The following PLXNC1 variants were observed in gnomAD, a reference collection of about 807,000 sequenced individuals.
PLXNC1 encodes plexin C1, also known as plexin-C1.
PLXNC1 carries 75 observed loss-of-function variants against 178.2 expected under a neutral mutation model. The observed-to-expected ratio is 0.42, with a 90% CI of 0.35 to 0.51. PLXNC1 has a LOEUF of 0.51. Ranked by LOEUF, PLXNC1 falls within the 20% of genes least tolerant of loss-of-function variation. The pLI, the probability that PLXNC1 is intolerant of heterozygous loss-of-function variation, is 0.02. For synonymous variants in PLXNC1, 790 were observed against 779.9 expected (o/e 1.01, Z -0.22); for missense variants, 1,503 against 1,984.4 (o/e 0.76, Z 4.61).
At chr12:94,206,559 T>C (rs12815937) in intron 4 of PLXNC1, among the ~76,000 whole-genome samples, 39 of 151,960 alleles carry the variant, frequency 2.6e-4, no homozygotes, top group Non-Finnish European at 4.7e-4. Context: ...AATTTGCAAA[T>C]AGGCTTGTGT....
chr12:94,262,644 G>A (rs1965027693), intron 20 of PLXNC1: 1 of 985,408 alleles, frequency 1.0e-6, no homozygotes, highest in Non-Finnish European at 1.2e-6. Context: ...ATTCCCGCTG[G>A]TGCAGGGGTC....
chr12:94,177,201 GTATATATA>G (rs201569205), intron 2 of PLXNC1, among the ~76,000 whole-genome samples: 3 of 61,670 alleles, frequency 4.9e-5, no homozygotes, highest in African/African-American at 1.3e-4. Flanking sequence ...ATATATATAC[GTATATATA>G]TATGTGTGTG....
chr12:94,212,933 A>G (rs1963532673), intron 5 of PLXNC1, among the ~76,000 whole-genome samples: 1 of 151,996 alleles, frequency 6.6e-6, no homozygotes, highest in Non-Finnish European at 1.5e-5. Context: ...GTTGGCCAAG[A>G]TGGTCTCAAT....
chr12:94,259,415 T>C, intron 18 of PLXNC1, 40 bp downstream of exon 18: 1 of 1,486,394 alleles, frequency 6.7e-7, no homozygotes, highest in South Asian at 1.2e-5. Context: ...AGTGACTGCC[T>C]GATGTTCATA....
At chr12:94,281,573 T>C (rs907673584) in intron 22 of PLXNC1, among the ~76,000 whole-genome samples, 2 of 146,566 alleles carry the variant, frequency 1.4e-5, no homozygotes, top group Non-Finnish European at 3.0e-5. Flanking sequence ...GTTTTTTATA[T>C]GCAACTTAAA....
In PLXNC1 at chr12:94,169,198, A is replaced by G. The variant is rs748629453; in HGVS notation, c.1108A>G (p.Thr370Ala). 7 of 1,613,746 alleles carry G rather than the reference A, an allele frequency of 4.3e-6. No homozygotes were observed. The highest frequency in any genetic ancestry group is 5.9e-6 in the Non-Finnish European group (7 of 1,179,786). Reference sequence around the variant, plus strand: ...AAGAGTCCAACCAATCGCATCATCTACCTTGATCCATTCCGACCTGACATC... The same window carrying G: ...AAGAGTCCAACCAATCGCATCATCTGCCTTGATCCATTCCGACCTGACATC... ...PERVQPIASS[T>A]LIHSDLTSVY... Residue 370 changes from threonine (T) to alanine (A), a missense_variant, in exon 2 of 31, where the codon ACC becomes GCC. Thr to Ala is a moderately conservative substitution (Grantham distance 58). This residue lies in a region of PLXNC1 where 615 missense variants were observed against 698.6 expected (regional missense o/e 0.88). Coordinates refer to ENST00000258526, the MANE Select transcript of PLXNC1 (RefSeq NM_005761.3).
intron 23 of PLXNC1, 89 bp downstream of exon 23, chr12:94,282,490 C>A: frequency 1.2e-6 from 1 of 852,108 alleles, no homozygotes; most frequent in Non-Finnish European, 1.9e-6. Context: ...GACTCCCACC[C>A]ATTTCCTGGA....
At chr12:94,202,416 G>A (rs183241164) in intron 4 of PLXNC1, among the ~76,000 whole-genome samples, 2 of 152,340 alleles carry the variant, frequency 1.3e-5, no homozygotes, top group East Asian at 3.9e-4. Flanking sequence ...AATAAGGTGG[G>A]CCTTTCCCTT....
rs1205709613 is a variant in PLXNC1 at position 94,247,903 on chromosome 12, G to A, written c.2389G>A (p.Val797Ile). Residue 797 changes from valine to isoleucine, a missense_variant and splice_region_variant, in exon 13 of 31, where the codon GTC becomes ATC. Physicochemically the swap from Val to Ile is conservative, Grantham distance 29. Around this residue, in one of 4 missense-constraint regions of PLXNC1, gnomAD observed 639 missense variants for 979.7 expected, o/e 0.65. Coordinates refer to ENST00000258526, the MANE Select transcript of PLXNC1 (RefSeq NM_005761.3). ...ISHELKGNINVSEYCVATYCG... is the reference protein window; with the variant it reads ...ISHELKGNINISEYCVATYCG... ...AAAACATTCTTTTCTTTTTGTCCAGGTCTCTGAATATTGTGTGGCGACTTA... is the reference window on the plus strand; with the variant it reads ...AAAACATTCTTTTCTTTTTGTCCAGATCTCTGAATATTGTGTGGCGACTTA... The A allele has an allele frequency of 2.5e-6, 4 of 1,613,472 alleles. No homozygotes were observed. In the African/African-American group the frequency reaches 4.0e-5, roughly 16 times the overall value.
At chr12:94,153,592 G>T (rs915268578) in intron 1 of PLXNC1, among the ~76,000 whole-genome samples, 1 of 152,224 alleles carries the variant, frequency 6.6e-6, no homozygotes, top group Admixed American at 6.5e-5. Context: ...CTCCAGACTT[G>T]TTTGGCCACC....
chr12:94,297,857 T>G (rs1968084459), intron 26 of PLXNC1, among the ~76,000 whole-genome samples: 1 of 152,232 alleles, frequency 6.6e-6, no homozygotes, highest in South Asian at 2.1e-4. Context: ...ATTTTAAAAT[T>G]AAGAATTCTG....
intron 15 of PLXNC1, among the ~76,000 whole-genome samples, chr12:94,251,889 G>A (rs556870350): frequency 6.6e-6 from 1 of 152,322 alleles, no homozygotes; most frequent in Non-Finnish European, 1.5e-5. Flanking sequence ...CTACTCAGGA[G>A]ACTGAGGTAG....
At chr12:94,222,342 C>T (rs189674749) in intron 6 of PLXNC1, among the ~76,000 whole-genome samples, 56 of 152,280 alleles carry the variant, frequency 3.7e-4, no homozygotes, top group Non-Finnish European at 4.7e-4. Context: ...CTCAGCCAGC[C>T]GGTGACCATT....
chr12:94,267,838 C>G (rs1300000465), intron 21 of PLXNC1, among the ~76,000 whole-genome samples: 1 of 152,166 alleles, frequency 6.6e-6, no homozygotes, highest in Non-Finnish European at 1.5e-5. Context: ...TTCCTCCCTT[C>G]CCTCCTCCCC....
intron 30 of PLXNC1, chr12:94,304,259 G>A: frequency 2.3e-6 from 1 of 439,782 alleles, no homozygotes; most frequent in Non-Finnish European, 4.1e-6. Context: ...CCCACATTTG[G>A]ACCAGCCTGA....
intron 5 of PLXNC1, 62 bp from the exon 6 acceptor site, chr12:94,219,954 C>G: frequency 1.3e-6 from 2 of 1,497,000 alleles, no homozygotes; most frequent in East Asian, 2.3e-5. Flanking sequence ...TCATATGAGG[C>G]TCTATGATGG....
rs1287237418 is a variant in PLXNC1 at position 94,260,601 on chromosome 12, G to C, written c.3252-41G>C. On this transcript the variant is annotated intron_variant, in intron 19 of 30. Transcript: ENST00000258526. The surrounding 1 kb of genome is among the most constrained non-coding windows in gnomAD (Gnocchi z 4.4). ...GGAAACTCCCATGGGTGTCCAGCTAGGCCTGCAGCCAATGGTTCACCCAGC... is the reference window on the plus strand; with the variant it reads ...GGAAACTCCCATGGGTGTCCAGCTACGCCTGCAGCCAATGGTTCACCCAGC... The C allele has an allele frequency of 1.3e-6, 2 of 1,497,238 alleles. No homozygotes were observed. Among genetic ancestry groups the C allele is most frequent in the Non-Finnish European group, 1.9e-6 (2 of 1,079,322 alleles). The allele number at this position is 1,497,238 out of a possible 1,614,324, so 92.7% of individuals were successfully genotyped here.
chr12:94,303,720 T>C (rs1968706647), intron 28 of PLXNC1, 36 bp from the exon 29 acceptor site: 1 of 1,246,738 alleles, frequency 8.0e-7, no homozygotes, highest in African/African-American at 1.6e-5. Context: ...TTTACTCTTT[T>C]GGTGATGGTT....
intron 2 of PLXNC1, among the ~76,000 whole-genome samples, chr12:94,179,378 T>C (rs572794772): frequency 1.3e-5 from 2 of 152,188 alleles, no homozygotes; most frequent in South Asian, 2.1e-4. Context: ...CACCTTCACT[T>C]TTCAAAGTAG....
Sources: allele counts gnomAD v4.1 joint callset (sites outside exome capture counted in the v4.1 genomes callset), GRCh38; gene constraint gnomAD v4.1.1; regional missense constraint gnomAD v4.1.1; non-coding constraint Gnocchi (gnomAD v3.1); transcripts MANE v1.5; gene names NCBI Gene and HGNC (gene_info 2026-07-23, HGNC 2026-07-21).